The following FBXL7 variants were observed in gnomAD, a reference collection of about 807,000 sequenced individuals.
FBXL7 encodes the protein F-box and leucine rich repeat protein 7, also known as F-box/LRR-repeat protein 7.
A neutral mutation model predicts 38.3 loss-of-function variants in FBXL7; 12 were observed. That is an observed-to-expected ratio of 0.31 (90% CI 0.20 to 0.51). The LOEUF is 0.51. Ranked by LOEUF, FBXL7 falls within the 20% of genes least tolerant of loss-of-function variation. The pLI is 0.98. For synonymous variants in FBXL7, 297 were observed against 300.9 expected (o/e 0.99, Z 0.13); for missense variants, 567 against 676.4 (o/e 0.84, Z 1.79).
At chr5:15,601,103 A>G (rs1295090621) in intron 1 of FBXL7, among the ~76,000 whole-genome samples, 1 of 152,218 alleles carries the variant, frequency 6.6e-6, no homozygotes, top group Non-Finnish European at 1.5e-5. Flanking sequence ...AGTGACTCAG[A>G]AGAGGCAGTT....
intron 2 of FBXL7, among the ~76,000 whole-genome samples, chr5:15,674,741 G>A (rs57410835): frequency 1.3e-5 from 2 of 152,136 alleles, no homozygotes; most frequent in Non-Finnish European, 2.9e-5. Context: ...TCACAAAAAC[G>A]CAACTGATAA....
At chr5:15,764,129 A>G (rs546032738) in intron 2 of FBXL7, among the ~76,000 whole-genome samples, 92 of 152,352 alleles carry the variant, frequency 6.0e-4, no homozygotes, top group African/African-American at 2.1e-3. Context: ...CTCCTAGTCC[A>G]GTTAAGTTGA....
At position 15,671,269 on chromosome 5, in the gene FBXL7, A is replaced by G. The variant is rs571184704; in HGVS notation, c.127+55197A>G. Among the ~76,000 whole-genome samples, 87 of 152,252 alleles carry G rather than the reference A, an allele frequency of 5.7e-4. 1 individual carries two copies. The highest frequency in any genetic ancestry group is 2.0e-3 in the African/African-American group (83 of 41,548). On this transcript the variant is annotated intron_variant, in intron 2 of 3. Transcript: ENST00000504595. ...ACTGGTTCCTAAGCTCTTTCACTGT[A>G]TCCCTTTAATTTCAGCTAACTAACT...
chr5:15,726,087 T>C (rs1744342670), intron 2 of FBXL7, among the ~76,000 whole-genome samples: 1 of 152,208 alleles, frequency 6.6e-6, no homozygotes, highest in Non-Finnish European at 1.5e-5. Flanking sequence ...TTATGTCTTC[T>C]TGTCTTGCTA....
chr5:15,764,356 G>C (rs1220977511), intron 2 of FBXL7, among the ~76,000 whole-genome samples: 1 of 152,186 alleles, frequency 6.6e-6, no homozygotes, highest in Non-Finnish European at 1.5e-5. Context: ...CAAGTATAGA[G>C]AGATGTGTTT....
chr5:15,764,813 G>A (rs1279311087), intron 2 of FBXL7, among the ~76,000 whole-genome samples: 1 of 152,224 alleles, frequency 6.6e-6, no homozygotes, highest in Non-Finnish European at 1.5e-5. Flanking sequence ...TAAATTATCT[G>A]TGTATTTTGC....
intron 2 of FBXL7, among the ~76,000 whole-genome samples, chr5:15,927,376 G>C (rs528485540): frequency 6.6e-6 from 1 of 152,250 alleles, no homozygotes; most frequent in African/African-American, 2.4e-5. Context: ...TGGGCGACAC[G>C]TGCATGTGCT....
At position 15,500,415 on chromosome 5, in the gene FBXL7, G is replaced by A. The variant is rs372622055; in HGVS notation, c.-262G>A. On this transcript the variant is annotated 5_prime_UTR_variant, in exon 1 of 4. Transcript: ENST00000504595. ...CGGGGCGCGGGCTGTGCGCGGCGCTGCGCCCGCCGGCCCCCAGCGCGGATT... is the reference window on the plus strand; with the variant it reads ...CGGGGCGCGGGCTGTGCGCGGCGCTACGCCCGCCGGCCCCCAGCGCGGATT... The A allele has an allele frequency of 1.2e-3, 471 of 388,542 alleles. 8 individuals carry two copies. In the South Asian group the frequency reaches 0.015, roughly 12 times the overall value. The allele number at this position is 388,542 out of a possible 1,614,324, so 24.1% of individuals were successfully genotyped here.
At chr5:15,848,235 A>G (rs1738976462) in intron 2 of FBXL7, among the ~76,000 whole-genome samples, 1 of 152,048 alleles carries the variant, frequency 6.6e-6, no homozygotes, top group African/African-American at 2.4e-5. Flanking sequence ...TCTTTCTGTG[A>G]TAATTTGGAA....
chr5:15,522,926 T>G (rs1232472254), intron 1 of FBXL7, among the ~76,000 whole-genome samples: 2 of 152,244 alleles, frequency 1.3e-5, no homozygotes, highest in Non-Finnish European at 2.9e-5. Flanking sequence ...ACATTCATAA[T>G]TTTAGATGTT....
chr5:15,789,621 T>C (rs987595757), intron 2 of FBXL7, among the ~76,000 whole-genome samples: 5 of 152,198 alleles, frequency 3.3e-5, no homozygotes, highest in Non-Finnish European at 7.3e-5. Flanking sequence ...CTTTGCACCC[T>C]CCTGTAGGCT....
intron 2 of FBXL7, among the ~76,000 whole-genome samples, chr5:15,905,251 C>A (rs1741327552): frequency 2.0e-5 from 3 of 152,206 alleles, no homozygotes; most frequent in Admixed American, 6.5e-5. Context: ...AATTCTAAGA[C>A]AATAAAACAC....
chr5:15,592,237 G>A (rs1739501663), intron 1 of FBXL7, among the ~76,000 whole-genome samples: 1 of 152,068 alleles, frequency 6.6e-6, no homozygotes, highest in Admixed American at 6.5e-5. Context: ...TCCATCCTCT[G>A]CCCCAGTTTT....
intron 2 of FBXL7, among the ~76,000 whole-genome samples, chr5:15,912,234 G>C (rs370966858): frequency 2.7e-5 from 2 of 73,006 alleles, no homozygotes; most frequent in Non-Finnish European, 4.9e-5. Flanking sequence ...GTGGTGCGCC[G>C]TTTCTTAAGC....
intron 1 of FBXL7, among the ~76,000 whole-genome samples, chr5:15,609,557 C>T (rs1216659435): frequency 6.6e-6 from 1 of 152,138 alleles, no homozygotes; most frequent in African/African-American, 2.4e-5. Context: ...ACTGTGCCTC[C>T]CAGTTGCCCC....
chr5:15,614,616 CA>C (rs1380045547), intron 1 of FBXL7, among the ~76,000 whole-genome samples: 1 of 152,214 alleles, frequency 6.6e-6, no homozygotes, highest in Non-Finnish European at 1.5e-5. Flanking sequence ...ACACACTTAG[CA>C]GCTTAACATA....
At chr5:15,657,493 C>T (rs1429722321) in intron 2 of FBXL7, among the ~76,000 whole-genome samples, 1 of 152,096 alleles carries the variant, frequency 6.6e-6, no homozygotes, top group African/African-American at 2.4e-5. Context: ...ATTCATTATT[C>T]AGTTAATGAA....
chr5:15,871,077 G>A (rs1050622142), intron 2 of FBXL7, among the ~76,000 whole-genome samples: 1 of 152,208 alleles, frequency 6.6e-6, no homozygotes, highest in Non-Finnish European at 1.5e-5. Flanking sequence ...CTGGCATCTG[G>A]CAGGTGTCCC....
At chr5:15,703,586 C>G (rs1054165062) in intron 2 of FBXL7, among the ~76,000 whole-genome samples, 1 of 152,060 alleles carries the variant, frequency 6.6e-6, no homozygotes, top group African/African-American at 2.4e-5. Context: ...AAGCACTGAT[C>G]TAGGTGAAAA....
Sources: gnomAD v4.1 joint callset for allele counts (sites outside exome capture counted in the v4.1 genomes callset) on GRCh38, gnomAD v4.1.1 for gene constraint, MANE v1.5 for transcripts, NCBI Gene and HGNC (gene_info 2026-07-23, HGNC 2026-07-21) for gene names.